RASGEF1C: variants seen among roughly 807,000 people sequenced by gnomAD.
RASGEF1C encodes ras-GEF domain-containing family member 1C.
A neutral mutation model predicts 58.1 loss-of-function variants in RASGEF1C; 27 were observed. The observed-to-expected ratio is 0.46, with a 90% CI of 0.34 to 0.64. The LOEUF (loss-of-function observed/expected upper bound fraction) is 0.64. RASGEF1C is among the 30% of genes least tolerant of loss of function. The pLI, the probability that RASGEF1C is intolerant of heterozygous loss-of-function variation, is 0.01. For missense variants in RASGEF1C, 502 were observed against 605.1 expected, an observed-to-expected ratio of 0.83 and a Z score of 1.79; for synonymous variants, 243 against 246.3, an observed-to-expected ratio of 0.99 and a Z score of 0.13.
At position 180,155,452 on chromosome 5, in the gene RASGEF1C, G is replaced by A. The variant is rs1766833381; in HGVS notation, c.-6-17394C>T. Among the ~76,000 whole-genome samples the A allele has an allele frequency of 6.6e-6, 1 of 152,148 alleles. No individual in the cohort carries two copies. Among genetic ancestry groups the A allele is most frequent in the African/African-American group, 2.4e-5 (1 of 41,448 alleles). Reference sequence around the variant, plus strand: ...AGAATGCACCTGGCCTTGCCTTCAGGAGGGCAACGCGCTTGGCTGTGAGGG... The same window carrying A: ...AGAATGCACCTGGCCTTGCCTTCAGAAGGGCAACGCGCTTGGCTGTGAGGG... On this transcript the variant is annotated intron_variant, in intron 1 of 13. Transcript: ENST00000361132. The surrounding 1 kb of genome is among the most constrained non-coding windows in gnomAD (Gnocchi z 5.2).
intron 4 of RASGEF1C, among the ~76,000 whole-genome samples, chr5:180,130,430 G>A (rs370690107): frequency 2.6e-5 from 4 of 152,296 alleles, no homozygotes; most frequent in Admixed American, 1.3e-4. Context: ...TGAGGGGCAC[G>A]GTCAGTCCCC....
chr5:180,153,609 T>A (rs1301466229), intron 1 of RASGEF1C, among the ~76,000 whole-genome samples: 1 of 152,218 alleles, frequency 6.6e-6, no homozygotes. Flanking sequence ...TTCCCTGACT[T>A]CTCTTCATTA....
chr5:180,130,902 T>A (rs1050740401), intron 4 of RASGEF1C, among the ~76,000 whole-genome samples: 5 of 152,166 alleles, frequency 3.3e-5, no homozygotes, highest in African/African-American at 1.2e-4. Flanking sequence ...CGACTCTCCT[T>A]GTCCAAAGCT....
Position 180,101,544 on chromosome 5 carries a change from CG to C in RASGEF1C, c.1377-20del, listed in dbSNP as rs1561726931. ...AGAAGATCTGCAGATTTAAGCATGT[CG>C]GGAGCGGTGAGAGCCTGGAGCTCCC... On this transcript the variant is annotated intron_variant, in intron 13 of 13. Coordinates refer to ENST00000361132, the MANE Select transcript of RASGEF1C (RefSeq NM_175062.4). 6.2e-7 allele frequency: 1 copy of C among 1,611,588 alleles called. No individual in the cohort carries two copies. The highest frequency in any genetic ancestry group is 8.5e-7 in the Non-Finnish European group (1 of 1,179,672).
intron 12 of RASGEF1C, among the ~76,000 whole-genome samples, chr5:180,110,526 C>T (rs1025621703): frequency 2.6e-5 from 4 of 151,554 alleles, no homozygotes; most frequent in South Asian, 4.2e-4. Flanking sequence ...GATGTGGGGC[C>T]GCGGGGCCAT....
chr5:180,141,069 TTC>T (rs1166022267), intron 1 of RASGEF1C, among the ~76,000 whole-genome samples: 1 of 152,218 alleles, frequency 6.6e-6, no homozygotes. Flanking sequence ...TTTCTAGTCT[TTC>T]TGTAGCTTCT....
At chr5:180,101,667 G>T in intron 13 of RASGEF1C, 142 bp from the exon 14 acceptor site, 1 of 1,054,616 alleles carries the variant, frequency 9.5e-7, no homozygotes, top group Non-Finnish European at 1.4e-6. Flanking sequence ...AATCCCTGGG[G>T]CTCAGCCCTC....
chr5:180,104,908 C>T (rs967855953), intron 12 of RASGEF1C, among the ~76,000 whole-genome samples: 2 of 152,070 alleles, frequency 1.3e-5, no homozygotes, highest in African/African-American at 2.4e-5. Flanking sequence ...TGTCTGTAGT[C>T]GTTAGTGATA....
intron 1 of RASGEF1C, among the ~76,000 whole-genome samples, chr5:180,193,041 C>T (rs978625955): frequency 1.1e-4 from 11 of 95,878 alleles, no homozygotes; most frequent in Middle Eastern, 5.3e-3. Context: ...CCATCGCGCC[C>T]GGCCAGTTTT....
chr5:180,183,187 G>A (rs1283200892), intron 1 of RASGEF1C, among the ~76,000 whole-genome samples: 1 of 152,148 alleles, frequency 6.6e-6, no homozygotes, highest in Non-Finnish European at 1.5e-5. Context: ...AGTCTACAGT[G>A]GCAAGGAAAT....
At chr5:180,179,188 G>A (rs764684585) in intron 1 of RASGEF1C, among the ~76,000 whole-genome samples, 3 of 152,140 alleles carry the variant, frequency 2.0e-5, no homozygotes, top group Non-Finnish European at 2.9e-5. Flanking sequence ...TGCATGGGCC[G>A]TGTTGATGTT....
chr5:180,116,513 G>C (rs2113249524), intron 10 of RASGEF1C, among the ~76,000 whole-genome samples: 1 of 152,276 alleles, frequency 6.6e-6, no homozygotes, highest in East Asian at 1.9e-4. Context: ...CCTAGCCCAA[G>C]ACCCGCCTCT....
chr5:180,121,698 A>C, intron 6 of RASGEF1C, among the ~76,000 whole-genome samples: 1 of 147,282 alleles, frequency 6.8e-6, no homozygotes. Flanking sequence ...TTATTCCTGG[A>C]TCCTGTATTT....
intron 1 of RASGEF1C, among the ~76,000 whole-genome samples, chr5:180,169,405 G>A (rs562765417): frequency 6.6e-6 from 1 of 152,116 alleles, no homozygotes; most frequent in Non-Finnish European, 1.5e-5. Context: ...TTTGAAGGGG[G>A]CTCCAGTGTC....
chr5:180,196,868 G>A (rs1419150890), intron 1 of RASGEF1C, among the ~76,000 whole-genome samples: 1 of 152,202 alleles, frequency 6.6e-6, no homozygotes, highest in African/African-American at 2.4e-5. Context: ...GGCACACTCT[G>A]CTTGATAGGA....
chr5:180,179,068 C>G (rs568404012), intron 1 of RASGEF1C, among the ~76,000 whole-genome samples: 12 of 152,228 alleles, frequency 7.9e-5, no homozygotes, highest in African/African-American at 2.6e-4. Context: ...TCTCTGCCTG[C>G]TGAGTGAAGA....
At chr5:180,190,225 C>T (rs4700912) in intron 1 of RASGEF1C, among the ~76,000 whole-genome samples, 79,830 of 150,926 alleles carry the variant, frequency 0.53, 21,266 homozygotes, top group East Asian at 0.57. Context: ...CGGTGGCTCA[C>T]GCCTGTAATC....
At chr5:180,180,079 G>A (rs886386369) in intron 1 of RASGEF1C, among the ~76,000 whole-genome samples, 1 of 152,336 alleles carries the variant, frequency 6.6e-6, no homozygotes, top group Admixed American at 6.5e-5. Flanking sequence ...GGAGGCGGTG[G>A]CCTGCTCACA....
chr5:180,103,431 C>G (rs1160247679), intron 12 of RASGEF1C, among the ~76,000 whole-genome samples: 1 of 152,196 alleles, frequency 6.6e-6, no homozygotes, highest in Non-Finnish European at 1.5e-5. Context: ...TCCATTTCCA[C>G]CTACATATTT....
Sources: gnomAD v4.1 joint callset for allele counts (sites outside exome capture counted in the v4.1 genomes callset) on GRCh38, gnomAD v4.1.1 for gene constraint, Gnocchi (gnomAD v3.1) non-coding constraint, MANE v1.5 for transcripts, NCBI Gene and HGNC (gene_info 2026-07-23, HGNC 2026-07-21) for gene names.